The following LAMA1 variants were observed in gnomAD, a reference collection of about 807,000 sequenced individuals.
The protein encoded by LAMA1 is laminin subunit alpha-1.
LAMA1 carries 219 observed loss-of-function variants against 348.7 expected under a neutral mutation model. The observed-to-expected ratio is 0.63, with a 90% CI of 0.56 to 0.70. The LOEUF is 0.70. Among genes scored for constraint, LAMA1 ranks in the 30% least tolerant of loss-of-function variants. LAMA1 has a pLI of 0.00. For synonymous variants in LAMA1, 1,487 were observed against 1,491.0 expected, an observed-to-expected ratio of 1.00 and a Z score of 0.06; for missense variants, 3,744 against 3,888.0, an observed-to-expected ratio of 0.96 and a Z score of 0.99.
intron 30 of LAMA1, 121 bp from the exon 31 acceptor site, chr18:7,000,118 G>A: frequency 1.4e-6 from 1 of 718,014 alleles, no homozygotes; most frequent in Non-Finnish European, 2.4e-6. Flanking sequence ...ATTACACATA[G>A]CTTTTTAGAG....
rs1301543155 is a variant in LAMA1, at chr18:7,030,830, CCCCCA to C, written c.2274+1231_2274+1235del. On this transcript the variant is annotated intron_variant, in intron 16 of 62. Transcript: ENST00000389658. ...GTGGCAGAACCACAGCCTGCTGTAC[CCCCCA>C]CCCCACCCCACCCCAAATGCTGGCA... is the stretch of plus-strand genomic sequence containing the variant. 7.3e-5 allele frequency among the ~76,000 whole-genome samples: 11 copies of C among 150,014 alleles called. No individual in the cohort carries two copies. In the East Asian group the frequency reaches 1.8e-3, roughly 25 times the overall value.
At chr18:7,108,213 G>A (rs979062682) in intron 1 of LAMA1, among the ~76,000 whole-genome samples, 1 of 151,876 alleles carries the variant, frequency 6.6e-6, no homozygotes, top group African/African-American at 2.4e-5. Context: ...GTGTGTGCCT[G>A]TAGTCCCAGC....
At chr18:6,949,035 T>C (rs1600340153) in intron 59 of LAMA1, 66 bp downstream of exon 59, 4 of 1,589,800 alleles carry the variant, frequency 2.5e-6, no homozygotes, top group East Asian at 2.2e-5. Flanking sequence ...CCGTGAGGTA[T>C]GCTCTTCTAC....
chr18:6,977,643 A>T, intron 44 of LAMA1, 84 bp downstream of exon 44: 1 of 1,533,378 alleles, frequency 6.5e-7, no homozygotes, highest in Non-Finnish European at 9.0e-7. Context: ...GCGCAGTGTG[A>T]CTGAGGGCCA....
chr18:7,026,534 C>T (rs1217819887), intron 16 of LAMA1, among the ~76,000 whole-genome samples: 3 of 152,178 alleles, frequency 2.0e-5, no homozygotes, highest in Admixed American at 2.0e-4. Context: ...TTGACCAACA[C>T]CTTGCCTGTG....
At chr18:7,100,851 A>G (rs1191974813) in intron 1 of LAMA1, among the ~76,000 whole-genome samples, 1 of 152,110 alleles carries the variant, frequency 6.6e-6, no homozygotes, top group Non-Finnish European at 1.5e-5. Flanking sequence ...CTCTACTAAA[A>G]ATACAACAAT....
chr18:7,043,521 A>G, intron 7 of LAMA1, 116 bp from the exon 8 acceptor site: 1 of 832,010 alleles, frequency 1.2e-6, no homozygotes, highest in African/African-American at 1.7e-5. Context: ...ATCCTAGAAT[A>G]AGTAATTTTA....
rs1297207053 is a variant in LAMA1, at chr18:7,018,011, G to A, written c.2702-627C>T. On this transcript the variant is annotated intron_variant, in intron 19 of 62. Transcript: ENST00000389658. ...AAATATATTTAATCAATATTCACAG[G>A]GGAACCCTTAATAAGCACTTCAGTT... Among the ~76,000 whole-genome samples, 3 of 152,068 alleles carry A rather than the reference G, an allele frequency of 2.0e-5. No individual in the cohort carries two copies. The East Asian group carries it at 5.8e-4, about 30-fold the overall frequency.
intron 40 of LAMA1, 141 bp downstream of exon 40, chr18:6,982,958 A>G: frequency 2.8e-6 from 3 of 1,090,512 alleles, no homozygotes; most frequent in Admixed American, 3.9e-5. Flanking sequence ...AACACAGATC[A>G]TATGATGACA....
intron 1 of LAMA1, among the ~76,000 whole-genome samples, chr18:7,097,030 G>C (rs72889729): frequency 1.3e-5 from 2 of 152,174 alleles, no homozygotes; most frequent in Non-Finnish European, 2.9e-5. Context: ...TCAGAGCAGA[G>C]CAGAAGCACA....
chr18:7,098,995 T>G (rs2058278917), intron 1 of LAMA1, among the ~76,000 whole-genome samples: 1 of 152,176 alleles, frequency 6.6e-6, no homozygotes, highest in South Asian at 2.1e-4. Context: ...GAACAGGCCA[T>G]GATGACAATG....
At chr18:7,001,769 A>C (rs181971227) in intron 30 of LAMA1, among the ~76,000 whole-genome samples, 31 of 152,274 alleles carry the variant, frequency 2.0e-4, no homozygotes, top group African/African-American at 7.5e-4. Context: ...TCCCTTTTGC[A>C]TTCAGGTAAT....
At chr18:7,018,637 T>A (rs555151693) in intron 19 of LAMA1, among the ~76,000 whole-genome samples, 2 of 152,042 alleles carry the variant, frequency 1.3e-5, no homozygotes, top group Non-Finnish European at 2.9e-5. Flanking sequence ...CCTTGTGATC[T>A]GCCCGCCTCG....
Position 6,992,584 on chromosome 18 carries a change from G to A in LAMA1, c.5145C>T (p.His1715=), listed in dbSNP as rs752498003. The change falls in exon 36 of 63, where the codon CAC becomes CAT. Residue 1715 remains histidine (H), a synonymous_variant. Transcript: ENST00000389658. The part of the protein sequence containing the change: ...IMQIRDFTQL[H]QNATLELKAA... The stretch of plus-strand genomic sequence containing the variant: ...ACTTGAGTTCAAGGGTGGCATTTTG[G>A]TGCAACTGTGTGAAGTCTCTTATCT... 6.2e-7 allele frequency: 1 copy of A among 1,614,142 alleles called. No individual in the cohort carries two copies. The highest frequency in any genetic ancestry group is 8.5e-7 in the Non-Finnish European group (1 of 1,180,034).
chr18:7,021,158 C>G (rs2057913584), intron 19 of LAMA1, among the ~76,000 whole-genome samples: 1 of 152,154 alleles, frequency 6.6e-6, no homozygotes, highest in African/African-American at 2.4e-5. Flanking sequence ...TCCCATCCTT[C>G]AGGTCTCAGA....
At position 6,971,846 on chromosome 18, in the gene LAMA1, C is replaced by T. The variant is rs185888060; in HGVS notation, c.6899+11G>A. 5.0e-5 allele frequency: 80 copies of T among 1,613,972 alleles called. No individual in the cohort carries two copies. The highest frequency in any genetic ancestry group is 5.8e-5 in the Non-Finnish European group (69 of 1,179,956). On this transcript the variant is annotated intron_variant, in intron 48 of 62. Coordinates refer to ENST00000389658, the MANE Select transcript of LAMA1 (RefSeq NM_005559.4). ...TAACATACTATGTGCTAAACCGTGA[C>T]GACATCTTACCTTCCGAAGCACCCA...
At chr18:7,088,186 C>T (rs1289046080) in intron 1 of LAMA1, among the ~76,000 whole-genome samples, 1 of 152,158 alleles carries the variant, frequency 6.6e-6, no homozygotes, top group Admixed American at 6.6e-5. Flanking sequence ...CTCGTCAAGG[C>T]ATGGCCTCAT....
Position 7,033,057 on chromosome 18 carries a change from G to A in LAMA1, c.2090C>T (p.Ala697Val). ...SVSLDIASSN[A>V]IDLVVAADVE... ...ATCAGCGGCCACCACCAGGTCGATGGCATTAGAGCTGGCTATGTCCAGAGA... is the reference window on the plus strand; with the variant it reads ...ATCAGCGGCCACCACCAGGTCGATGACATTAGAGCTGGCTATGTCCAGAGA... Residue 697 changes from alanine to valine, a missense_variant, in exon 15 of 63, where the codon GCC becomes GTC. Coordinates refer to ENST00000389658, the MANE Select transcript of LAMA1 (RefSeq NM_005559.4). The A allele has an allele frequency of 6.2e-7, 1 of 1,612,272 alleles. No individual in the cohort carries two copies. Among genetic ancestry groups the A allele is most frequent in the Non-Finnish European group, 8.5e-7 (1 of 1,179,234 alleles).
Position 6,950,820 on chromosome 18 carries a change from A to C in LAMA1, c.8359T>G (p.Ser2787Ala). 3 of 1,614,166 alleles carry C rather than the reference A, an allele frequency of 1.9e-6. No individual in the cohort carries two copies. The highest frequency in any genetic ancestry group is 2.5e-6 in the Non-Finnish European group (3 of 1,180,024). ...FDLGKGRTKVSHPALLSDGKW... is the reference protein window; with the variant it reads ...FDLGKGRTKVAHPALLSDGKW... ...CCATCACTGAGCAGTGCAGGGTGAG[A>C]GACCTTTGTTCTGCCTTTGCCAAGG... The change falls in exon 58 of 63, where the codon TCT becomes GCT. Residue 2787 changes from serine (S) to alanine (A), a missense_variant. Physicochemically the swap from Ser to Ala is moderately conservative, Grantham distance 99. This residue lies in a region of LAMA1 where 1,983 missense variants were observed against 1,934.3 expected (regional missense o/e 1.03). Coordinates refer to ENST00000389658, the MANE Select transcript of LAMA1 (RefSeq NM_005559.4).
Sources: gnomAD v4.1 joint callset for allele counts (sites outside exome capture counted in the v4.1 genomes callset) on GRCh38, gnomAD v4.1.1 for gene constraint, gnomAD v4.1.1 regional missense constraint, MANE v1.5 for transcripts, NCBI Gene and HGNC (gene_info 2026-07-23, HGNC 2026-07-21) for gene names.